The following ERGIC1 variants were observed in gnomAD, a reference collection of about 807,000 sequenced individuals.
ERGIC1 encodes endoplasmic reticulum-golgi intermediate compartment 1.
Under a neutral mutation model 38.3 loss-of-function variants are expected in ERGIC1, and 19 were observed. The ratio of observed to expected loss-of-function variants is 0.50; its 90% confidence interval spans 0.35 to 0.73. The LOEUF (loss-of-function observed/expected upper bound fraction) is 0.73, where lower values mean the gene tolerates loss of function less well. Among genes scored for constraint, ERGIC1 ranks in the 30% least tolerant of loss-of-function variants. The probability of loss-of-function intolerance (pLI) is 0.01; values close to 1 mark genes in which losing one functional copy is unlikely to be tolerated. For synonymous variants in ERGIC1, 124 were observed against 157.6 expected (o/e 0.79, Z 1.60); for missense variants, 294 against 389.2 (o/e 0.76, Z 2.06).
chr5:172,948,451 G>A (rs916040042), intron 9 of ERGIC1, among the ~76,000 whole-genome samples: 1 of 152,226 alleles, frequency 6.6e-6, no homozygotes, highest in Non-Finnish European at 1.5e-5. Flanking sequence ...CCGTCCACCT[G>A]TGGTGCCTCT....
Position 172,837,073 on chromosome 5 carries a change from T to A in ERGIC1, c.20+2640T>A, listed in dbSNP as rs1581499875. Among the ~76,000 whole-genome samples the A allele has an allele frequency of 6.6e-6, 1 of 151,922 alleles. No homozygotes were observed. The highest frequency in any genetic ancestry group is 2.4e-5 in the African/African-American group (1 of 41,322). ...AAGAATTGTGGGGAGTGGAGAGGGG[T>A]ATACCGTGATTAGACCTCCTCCCCC... On this transcript the variant is annotated intron_variant, in intron 1 of 9. Coordinates refer to ENST00000393784, the MANE Select transcript of ERGIC1 (RefSeq NM_001031711.3). This position sits in a 1 kb window ranked among gnomAD's most constrained non-coding sequence, Gnocchi z 4.3.
chr5:172,922,217 T>C (rs1230043834), intron 5 of ERGIC1: 1 of 152,244 alleles, frequency 6.6e-6, no homozygotes. Flanking sequence ...GCTCTCGACA[T>C]GTGACCTTAG....
At chr5:172,885,527 T>C (rs189588767) in intron 1 of ERGIC1, among the ~76,000 whole-genome samples, 435 of 152,136 alleles carry the variant, frequency 2.9e-3, no homozygotes, top group African/African-American at 9.9e-3. Flanking sequence ...CCACCTGGGG[T>C]ATCGAGCCCC....
chr5:172,897,293 G>A (rs1399445430), intron 3 of ERGIC1, among the ~76,000 whole-genome samples: 1 of 152,118 alleles, frequency 6.6e-6, no homozygotes, highest in Non-Finnish European at 1.5e-5. Context: ...GCTGGGCGTG[G>A]TGGCGGGCAC....
chr5:172,912,759 TTTTC>T (rs936822916), intron 4 of ERGIC1, among the ~76,000 whole-genome samples: 15 of 149,082 alleles, frequency 1.0e-4, no homozygotes, highest in South Asian at 6.4e-4. Flanking sequence ...TTTACTTTTC[TTTTC>T]TTTCTTTCTT....
At chr5:172,854,452 A>T (rs185727050) in intron 1 of ERGIC1, among the ~76,000 whole-genome samples, 2 of 152,258 alleles carry the variant, frequency 1.3e-5, no homozygotes, top group Non-Finnish European at 2.9e-5. Flanking sequence ...GAGAAAAAAA[A>T]GTATTTCCTG....
At chr5:172,884,618 TAAG>T (rs991680285) in intron 1 of ERGIC1, among the ~76,000 whole-genome samples, 5 of 152,296 alleles carry the variant, frequency 3.3e-5, no homozygotes, top group African/African-American at 1.2e-4. Context: ...GTTTCTGACA[TAAG>T]AAGGTGCTCC....
chr5:172,893,834 G>C (rs1243081431), intron 2 of ERGIC1, among the ~76,000 whole-genome samples: 2 of 143,110 alleles, frequency 1.4e-5, no homozygotes, highest in Non-Finnish European at 3.0e-5. Flanking sequence ...CGGTGGAAAA[G>C]AGTGTGCCCA....
intron 1 of ERGIC1, among the ~76,000 whole-genome samples, chr5:172,862,537 C>A (rs956908016): frequency 4.6e-5 from 7 of 152,144 alleles, no homozygotes; most frequent in Admixed American, 3.9e-4. Context: ...GAATTCTCCA[C>A]AGCAAGCTGG....
At chr5:172,912,677 G>A (rs1256531182) in intron 4 of ERGIC1, among the ~76,000 whole-genome samples, 2 of 152,088 alleles carry the variant, frequency 1.3e-5, no homozygotes, top group African/African-American at 2.4e-5. Flanking sequence ...GTGAGCCACC[G>A]CGCCCAGCCA....
chr5:172,849,103 A>C (rs1761343281), intron 1 of ERGIC1, among the ~76,000 whole-genome samples: 1 of 152,194 alleles, frequency 6.6e-6, no homozygotes, highest in Non-Finnish European at 1.5e-5. Context: ...ATTTTGAGGA[A>C]ATGGAGACCG....
chr5:172,844,511 GT>G, intron 1 of ERGIC1, among the ~76,000 whole-genome samples: 1 of 152,362 alleles, frequency 6.6e-6, no homozygotes, highest in East Asian at 1.9e-4. Context: ...GCACATGGCA[GT>G]GTGACCAGGA....
chr5:172,926,442 A>C lies in ERGIC1; in HGVS notation c.481-67A>C. 1.9e-6 allele frequency: 3 copies of C among 1,591,734 alleles called. No individual in the cohort carries two copies. Among genetic ancestry groups the C allele is most frequent in the Non-Finnish European group, 2.6e-6 (3 of 1,160,748 alleles). ...ACCAGGTGGTACCTGGCCATCCCCC[A>C]CAACCAGGGCCAGGCCTGGAGGTGG... On this transcript the variant is annotated intron_variant, in intron 6 of 9. Coordinates refer to ENST00000393784, the MANE Select transcript of ERGIC1 (RefSeq NM_001031711.3). The surrounding 1 kb of genome is among the most constrained non-coding windows in gnomAD (Gnocchi z 5.2).
chr5:172,931,148 CTG>C (rs1158762930), intron 7 of ERGIC1: 1 of 152,168 alleles, frequency 6.6e-6, no homozygotes, highest in Non-Finnish European at 1.5e-5. Flanking sequence ...GCCTAAATTT[CTG>C]TGTTATTTTA....
intron 5 of ERGIC1, among the ~76,000 whole-genome samples, chr5:172,918,930 A>C (rs1763443729): frequency 1.4e-5 from 2 of 147,400 alleles, no homozygotes; most frequent in African/African-American, 5.1e-5. Context: ...ACCCACATTC[A>C]CTCCCCACCA....
intron 1 of ERGIC1, among the ~76,000 whole-genome samples, chr5:172,840,621 G>T (rs981073664): frequency 1.3e-5 from 2 of 152,172 alleles, no homozygotes; most frequent in African/African-American, 4.8e-5. Flanking sequence ...AGGCTGGGGC[G>T]TGGAGTTCCC....
intron 1 of ERGIC1, among the ~76,000 whole-genome samples, chr5:172,864,064 G>C (rs1431418264): frequency 3.3e-5 from 5 of 152,062 alleles, no homozygotes; most frequent in Non-Finnish European, 5.9e-5. Flanking sequence ...GGGCATGGTG[G>C]TGCATACTTG....
At chr5:172,930,945 T>A (rs1222534695) in intron 7 of ERGIC1, 1 of 152,210 alleles carries the variant, frequency 6.6e-6, no homozygotes, top group African/African-American at 2.4e-5. Context: ...GCTCTGCGGC[T>A]GCAGGACTTT....
intron 5 of ERGIC1, chr5:172,916,036 A>G (rs1315690711): frequency 1.1e-5 from 2 of 185,154 alleles, no homozygotes; most frequent in Non-Finnish European, 2.3e-5. Flanking sequence ...TCCCGCTATG[A>G]CAATGACCTG....
Sources: gnomAD v4.1 joint callset for allele counts (sites outside exome capture counted in the v4.1 genomes callset) on GRCh38, gnomAD v4.1.1 for gene constraint, Gnocchi (gnomAD v3.1) non-coding constraint, MANE v1.5 for transcripts, NCBI Gene and HGNC (gene_info 2026-07-23, HGNC 2026-07-21) for gene names.